The following TTC33 variants were observed in gnomAD, a reference collection of about 807,000 sequenced individuals.
The protein encoded by TTC33 is tetratricopeptide repeat domain 33, also known as tetratricopeptide repeat protein 33.
A neutral mutation model predicts 29.4 loss-of-function variants in TTC33; 24 were observed. That is an observed-to-expected ratio of 0.82 (90% CI 0.59 to 1.15). TTC33 has a LOEUF of 1.15. TTC33 is among the 50% of genes most tolerant of loss of function. The probability of loss-of-function intolerance (pLI) is 0.00; values close to 1 mark genes in which losing one functional copy is unlikely to be tolerated. For missense variants in TTC33, 286 were observed against 310.4 expected, an observed-to-expected ratio of 0.92 and a Z score of 0.59; for synonymous variants, 107 against 100.3, an observed-to-expected ratio of 1.07 and a Z score of -0.40.
At chr5:40,749,803 T>C (rs528919259) in intron 1 of TTC33, among the ~76,000 whole-genome samples, 4 of 152,330 alleles carry the variant, frequency 2.6e-5, no homozygotes, top group African/African-American at 9.6e-5. Flanking sequence ...AAAATGTACA[T>C]GCCTTGCTAG....
intron 4 of TTC33, among the ~76,000 whole-genome samples, chr5:40,727,509 T>C (rs1009832099): frequency 2.0e-5 from 3 of 152,210 alleles, no homozygotes; most frequent in Non-Finnish European, 2.9e-5. Context: ...CAGTTTACGG[T>C]AAACATTACA....
intron 1 of TTC33, 46 bp from the exon 2 acceptor site, chr5:40,747,065 T>TC (rs1742803416): frequency 6.6e-7 from 1 of 1,518,480 alleles, no homozygotes; most frequent in East Asian, 2.3e-5. Context: ...ACTTGATCTT[T>TC]TTTTTTTTTT....
intron 4 of TTC33, among the ~76,000 whole-genome samples, chr5:40,719,994 T>C (rs1742090493): frequency 6.6e-6 from 1 of 152,240 alleles, no homozygotes; most frequent in Admixed American, 6.5e-5. Context: ...TGAATTGCCT[T>C]TTCACTTTCT....
chr5:40,753,181 A>G (rs1742926548), intron 1 of TTC33, among the ~76,000 whole-genome samples: 1 of 152,226 alleles, frequency 6.6e-6, no homozygotes, highest in East Asian at 1.9e-4. Flanking sequence ...CCTGGCCAAC[A>G]TGGTGAAACC....
At position 40,722,708 on chromosome 5, in the gene TTC33, G is replaced by A. The variant is rs567239871; in HGVS notation, c.435+5637C>T. Among the ~76,000 whole-genome samples, 938 of 151,538 alleles carry A rather than the reference G, an allele frequency of 6.2e-3. 5 individuals are homozygous for A. Among genetic ancestry groups the A allele is most frequent in the African/African-American group, 0.019 (785 of 41,306 alleles). ...TGGGAAGTGAGGAGCGTCTCCGCCC[G>A]GCCAGCGCCCCGTCCGGGAGGTGGC... On this transcript the variant is annotated intron_variant, in intron 4 of 4. Transcript: ENST00000337702.
intron 2 of TTC33, among the ~76,000 whole-genome samples, chr5:40,738,444 AAATACAATACAATACAATACAATAC>A (rs140651944): frequency 9.6e-5 from 8 of 83,664 alleles, no homozygotes; most frequent in South Asian, 4.5e-4. Context: ...ATATAAAATA[AAATACAATACAATACAATACAATAC>A]AATACAATAC....
intron 2 of TTC33, among the ~76,000 whole-genome samples, chr5:40,739,068 T>C (rs1049559317): frequency 2.0e-5 from 3 of 152,206 alleles, no homozygotes; most frequent in African/African-American, 7.2e-5. Flanking sequence ...ACCACATACA[T>C]GTGGGTCATT....
In TTC33 at chr5:40,738,246, T is replaced by C. The variant is rs1332070460; in HGVS notation, c.222-7903A>G. On this transcript the variant is annotated intron_variant, in intron 2 of 4. Transcript: ENST00000337702. ...GGCCAAGACGGTGAAACCCTGTCTC[T>C]ACTAAAAATTCAAAAATTAGCCAGG... Among the ~76,000 whole-genome samples the C allele has an allele frequency of 2.0e-5, 3 of 151,786 alleles. No individual in the cohort carries two copies. In the East Asian group the frequency reaches 5.8e-4, roughly 29 times the overall value.
Position 40,716,349 on chromosome 5 carries a change from G to C in TTC33, c.585C>G (p.His195Gln), listed in dbSNP as rs778989647. 1.9e-6 allele frequency: 3 copies of C among 1,614,182 alleles called. No individual in the cohort carries two copies. Among genetic ancestry groups the C allele is most frequent in the Non-Finnish European group, 2.5e-6 (3 of 1,180,028 alleles). ...KKSEAPAEVT[H>Q]FSPKSIPDYD... ...AGTCTGGAATTGACTTTGGTGAAAA[G>C]TGTGTTACTTCAGCTGGTGCTTCAC... is the stretch of plus-strand genomic sequence containing the variant. Residue 195 changes from histidine (H) to glutamine (Q), a missense_variant, in exon 5 of 5, where the codon CAC becomes CAG. By Grantham distance (24) the His-to-Gln change is conservative. Transcript: ENST00000337702.
rs1403367324 is a variant in TTC33, at chr5:40,715,352, AT to A, written c.*792del. 1.3e-5 allele frequency: 2 copies of A among 152,188 alleles called. No individual in the cohort carries two copies. The highest frequency in any genetic ancestry group is 2.9e-5 in the Non-Finnish European group (2 of 67,978). The allele number at this position is 152,188 out of a possible 1,614,324, so 9.4% of individuals were successfully genotyped here. A position where few individuals can be genotyped will look rare whatever the true frequency, so the allele number is the denominator to read the frequency against. ...TTGACTGGGATAATATAGCAGTACAATTGTCATTAACCTATCTGTAAAAGCC... is the reference window on the plus strand; with the variant it reads ...TTGACTGGGATAATATAGCAGTACAATGTCATTAACCTATCTGTAAAAGCC... On this transcript the variant is annotated 3_prime_UTR_variant, in exon 5 of 5. Transcript: ENST00000337702.
At chr5:40,734,081 A>C (rs113606439) in intron 2 of TTC33, among the ~76,000 whole-genome samples, 1,585 of 152,358 alleles carry the variant, frequency 0.01, 21 homozygotes, top group African/African-American at 0.033. Context: ...TAAAGGAACA[A>C]GTGAGCTGTT....
At position 40,742,201 on chromosome 5, in the gene TTC33, C is replaced by T. The variant is rs142956933; in HGVS notation, c.221+4597G>A. Among the ~76,000 whole-genome samples the T allele has an allele frequency of 4.9e-3, 750 of 152,022 alleles. 5 individuals carry two copies. The highest frequency in any genetic ancestry group is 0.017 in the African/African-American group (715 of 41,466). On this transcript the variant is annotated intron_variant, in intron 2 of 4. Coordinates refer to ENST00000337702, the MANE Select transcript of TTC33 (RefSeq NM_012382.3). The stretch of plus-strand genomic sequence containing the variant: ...GGCTGTCAGTAGAAATCCATGCCTA[C>T]TTTTTAAAGTATTTTTGTATCCGTT...
intron 2 of TTC33, among the ~76,000 whole-genome samples, chr5:40,746,575 A>T (rs1742791912): frequency 6.6e-6 from 1 of 152,194 alleles, no homozygotes. Context: ...CATAATTAGC[A>T]TCCTGAAAAC....
chr5:40,742,957 G>A (rs866400025), intron 2 of TTC33, among the ~76,000 whole-genome samples: 5 of 152,206 alleles, frequency 3.3e-5, no homozygotes, highest in Middle Eastern at 6.8e-3. Flanking sequence ...TATTTACTGA[G>A]GGCCTAGTAA....
rs114601668 is a variant in TTC33 at position 40,747,442 on chromosome 5, A to G, written c.-1-423T>C. Among the ~76,000 whole-genome samples, 1,444 of 152,264 alleles carry G rather than the reference A, an allele frequency of 9.5e-3. 26 individuals are homozygous for G. Among genetic ancestry groups the G allele is most frequent in the African/African-American group, 0.033 (1,357 of 41,556 alleles). On this transcript the variant is annotated intron_variant, in intron 1 of 4. Coordinates refer to ENST00000337702, the MANE Select transcript of TTC33 (RefSeq NM_012382.3). Reference sequence around the variant, plus strand: ...TAGACTATCACCATTTTTCAACCCTAATTAGTGGCTGTAGGCAATAATCAT... The same window carrying G: ...TAGACTATCACCATTTTTCAACCCTGATTAGTGGCTGTAGGCAATAATCAT...
At chr5:40,732,034 A>G (rs1370509437) in intron 2 of TTC33, among the ~76,000 whole-genome samples, 1 of 152,202 alleles carries the variant, frequency 6.6e-6, no homozygotes, top group Non-Finnish European at 1.5e-5. Flanking sequence ...TTTTTTAAAA[A>G]TTATTTTGAG....
rs546486168 is a variant in TTC33, at chr5:40,737,938, T to C, written c.222-7595A>G. On this transcript the variant is annotated intron_variant, in intron 2 of 4. Coordinates refer to ENST00000337702, the MANE Select transcript of TTC33 (RefSeq NM_012382.3). ...ATACTATTGTATGGATATACCACAA[T>C]TTATTCATTCATTCACCTGCTGATG... Among the ~76,000 whole-genome samples, 15 of 152,368 alleles carry C rather than the reference T, an allele frequency of 9.8e-5. No homozygotes were observed. In the South Asian group the frequency reaches 3.1e-3, roughly 32 times the overall value.
chr5:40,728,951 C>T (rs1050155880), intron 3 of TTC33, among the ~76,000 whole-genome samples: 1 of 152,094 alleles, frequency 6.6e-6, no homozygotes, highest in Non-Finnish European at 1.5e-5. Context: ...TCAAACCATA[C>T]ATACTAGGAA....
At chr5:40,729,103 C>T (rs1742362964) in intron 3 of TTC33, among the ~76,000 whole-genome samples, 1 of 152,144 alleles carries the variant, frequency 6.6e-6, no homozygotes, top group African/African-American at 2.4e-5. Context: ...ATTTGTGATA[C>T]AAACATTATT....
Sources: allele counts gnomAD v4.1 joint callset (sites outside exome capture counted in the v4.1 genomes callset), GRCh38; gene constraint gnomAD v4.1.1; transcripts MANE v1.5; gene names NCBI Gene and HGNC (gene_info 2026-07-23, HGNC 2026-07-21).